TBC1D5: variants seen among roughly 807,000 people sequenced by gnomAD.
TBC1D5 encodes the protein TBC1 domain family, member 5.
Under a neutral mutation model 100.3 loss-of-function variants are expected in TBC1D5, and 75 were observed. The ratio of observed to expected loss-of-function variants is 0.75; its 90% CI spans 0.62 to 0.91. The LOEUF is 0.91. TBC1D5 is among the 40% of genes least tolerant of loss of function. The probability of loss-of-function intolerance (pLI) is 0.00; values close to 1 mark genes in which losing one functional copy is unlikely to be tolerated. For synonymous variants in TBC1D5, 323 were observed against 325.6 expected (o/e 0.99, Z 0.09); for missense variants, 910 against 942.4 (o/e 0.97, Z 0.45).
intron 17 of TBC1D5, among the ~76,000 whole-genome samples, chr3:17,222,409 A>G (rs534923893): frequency 2.0e-5 from 3 of 152,312 alleles, no homozygotes; most frequent in South Asian, 2.1e-4. Context: ...TATAAAATAA[A>G]TAAGTATTTG....
At chr3:17,620,661 TC>T (rs1260017788) in intron 2 of TBC1D5, among the ~76,000 whole-genome samples, 1 of 152,216 alleles carries the variant, frequency 6.6e-6, no homozygotes, top group Non-Finnish European at 1.5e-5. Context: ...AAAATTGGTT[TC>T]CTACAAAGTA....
chr3:17,676,894 A>G (rs886085033), intron 1 of TBC1D5, among the ~76,000 whole-genome samples: 1 of 152,232 alleles, frequency 6.6e-6, no homozygotes, highest in African/African-American at 2.4e-5. Flanking sequence ...ACAAACAAGA[A>G]ATGGGGAAAC....
intron 15 of TBC1D5, among the ~76,000 whole-genome samples, chr3:17,262,028 C>T (rs759250339): frequency 1.5e-4 from 23 of 152,136 alleles, no homozygotes; most frequent in Non-Finnish European, 2.8e-4. Context: ...GTTATGTCAA[C>T]ACTTTAACAT....
At chr3:17,306,074 A>T (rs576938726) in intron 14 of TBC1D5, among the ~76,000 whole-genome samples, 1 of 152,110 alleles carries the variant, frequency 6.6e-6, no homozygotes, top group South Asian at 2.1e-4. Context: ...GCTTATAGAA[A>T]CACATTAATA....
intron 3 of TBC1D5, among the ~76,000 whole-genome samples, chr3:17,494,793 G>C (rs1188795246): frequency 1.3e-5 from 2 of 152,150 alleles, no homozygotes; most frequent in African/African-American, 4.8e-5. Context: ...CCTCCCTCGG[G>C]AACTCAATCA....
At chr3:17,474,983 T>C (rs1386085086) in intron 3 of TBC1D5, among the ~76,000 whole-genome samples, 1 of 152,128 alleles carries the variant, frequency 6.6e-6, no homozygotes, top group East Asian at 1.9e-4. Context: ...ATTCCTTATA[T>C]GGCAAATGAG....
intron 8 of TBC1D5, among the ~76,000 whole-genome samples, chr3:17,391,602 A>G (rs1262345708): frequency 2.0e-5 from 3 of 152,034 alleles, no homozygotes; most frequent in African/African-American, 4.8e-5. Context: ...AGAAGTGCCT[A>G]TGGGACTGGA....
chr3:17,221,623 C>G (rs2074301420), intron 17 of TBC1D5, among the ~76,000 whole-genome samples: 1 of 152,086 alleles, frequency 6.6e-6, no homozygotes, highest in Non-Finnish European at 1.5e-5. Context: ...GGCCATAAAC[C>G]AAGGAAGATG....
chr3:17,692,152 G>A (rs535890129), intron 1 of TBC1D5, among the ~76,000 whole-genome samples: 39 of 152,148 alleles, frequency 2.6e-4, no homozygotes, highest in Non-Finnish European at 5.1e-4. Context: ...AAGTGCAGTG[G>A]AGCAATCTCG....
chr3:17,313,245 A>G (rs906155539), intron 13 of TBC1D5, among the ~76,000 whole-genome samples: 2 of 152,152 alleles, frequency 1.3e-5, no homozygotes, highest in African/African-American at 2.4e-5. Flanking sequence ...GGTTCCATCA[A>G]AAGTAAGCTA....
chr3:17,498,485 A>C (rs1207972606), intron 3 of TBC1D5, among the ~76,000 whole-genome samples: 2 of 152,200 alleles, frequency 1.3e-5, no homozygotes, highest in Non-Finnish European at 2.9e-5. Context: ...AGAACAGAAC[A>C]ATGTCAAAGA....
intron 9 of TBC1D5, among the ~76,000 whole-genome samples, chr3:17,378,532 C>T (rs533923387): frequency 1.3e-5 from 2 of 151,958 alleles, no homozygotes; most frequent in East Asian, 1.9e-4. Flanking sequence ...TGAAATGTTT[C>T]GTTTCCTTGG....
chr3:17,476,105 G>C (rs930403058), intron 3 of TBC1D5, among the ~76,000 whole-genome samples: 16 of 151,198 alleles, frequency 1.1e-4, no homozygotes, highest in African/African-American at 3.9e-4. Context: ...ACTTTTTTTA[G>C]TTTTGTATAT....
At chr3:17,428,407 G>GTA (rs1390633033) in intron 4 of TBC1D5, 43 bp downstream of exon 4, 31 of 496,906 alleles carry the variant, frequency 6.2e-5, no homozygotes, top group East Asian at 4.1e-4. Flanking sequence ...GTGTGTGTGT[G>GTA]TGTGTATATA....
chr3:17,178,347 G>A (rs1242038247), intron 19 of TBC1D5, among the ~76,000 whole-genome samples: 1 of 152,142 alleles, frequency 6.6e-6, no homozygotes, highest in Non-Finnish European at 1.5e-5. Context: ...TTACAGGCGT[G>A]AGCCACTGTG....
intron 15 of TBC1D5, among the ~76,000 whole-genome samples, chr3:17,277,253 T>C (rs916689514): frequency 6.6e-6 from 1 of 152,190 alleles, no homozygotes; most frequent in African/African-American, 2.4e-5. Flanking sequence ...ATTCTTCATA[T>C]TTTCTCTCAT....
chr3:17,596,249 G>T lies in TBC1D5; in HGVS notation c.-36+27600C>A, dbSNP rs569955269. ...CACTTGAGAAGCTTATTAAAATGGA[G>T]ATTCACAATCAGATTCTCCCAAATA... On this transcript the variant is annotated intron_variant, in intron 2 of 21. Coordinates refer to ENST00000253692, the Ensembl canonical transcript of TBC1D5. Among the ~76,000 whole-genome samples, 10 of 151,326 alleles carry T rather than the reference G, an allele frequency of 6.6e-5. No individual in the cohort carries two copies. In the East Asian group the frequency reaches 1.8e-3, roughly 27 times the overall value.
chr3:17,215,738 T>C (rs2073558913), intron 17 of TBC1D5, among the ~76,000 whole-genome samples: 1 of 151,948 alleles, frequency 6.6e-6, no homozygotes, highest in African/African-American at 2.4e-5. Context: ...GTCAGAGATA[T>C]CACAAGAAAG....
intron 3 of TBC1D5, among the ~76,000 whole-genome samples, chr3:17,433,461 A>G (rs1214175263): frequency 6.6e-6 from 1 of 152,182 alleles, no homozygotes; most frequent in Non-Finnish European, 1.5e-5. Context: ...GTACAGGGCA[A>G]AACAGGGAAA....
Sources: allele counts gnomAD v4.1 joint callset (sites outside exome capture counted in the v4.1 genomes callset), GRCh38; gene constraint gnomAD v4.1.1; transcripts MANE v1.5; gene names NCBI Gene and HGNC (gene_info 2026-07-23, HGNC 2026-07-21).